NFAM1: variants seen among roughly 807,000 people sequenced by gnomAD.
NFAM1 encodes NFAT activation molecule 1.
Under a neutral mutation model 29.0 loss-of-function variants are expected in NFAM1, and 17 were observed. The ratio of observed to expected loss-of-function variants is 0.59; its 90% confidence interval spans 0.40 to 0.88. The LOEUF (loss-of-function observed/expected upper bound fraction) is 0.88, where lower values mean the gene tolerates loss of function less well. NFAM1 is among the 40% of genes least tolerant of loss of function. The pLI, the probability that NFAM1 is intolerant of heterozygous loss-of-function variation, is 0.00. For synonymous variants in NFAM1, 175 were observed against 147.2 expected (o/e 1.19, Z -1.36); for missense variants, 324 against 344.6 (o/e 0.94, Z 0.47).
At chr22:42,411,765 C>CA (rs753818886) in intron 1 of NFAM1, 29 bp from the exon 2 acceptor site, 1 of 1,547,064 alleles carries the variant, frequency 6.5e-7, no homozygotes, top group South Asian at 1.1e-5. Flanking sequence ...GAGAGAGCAA[C>CA]AGGTCACTTG....
rs1331031808 is a variant in NFAM1 at position 42,382,801 on chromosome 22, T to TCCTCCTCCTCCTCCTCCC, written c.*2342_*2359dup. The stretch of plus-strand genomic sequence containing the variant: ...CCCGTCCTTTCATGCTGTGCTCTCC[T>TCCTCCTCCTCCTCCTCCC]CCTCCTCCTCCTCCTCCCTGCCTCT... On this transcript the variant is annotated 3_prime_UTR_variant, in exon 6 of 6. Coordinates refer to ENST00000329021, the MANE Select transcript of NFAM1 (RefSeq NM_145912.8). The TCCTCCTCCTCCTCCTCCC allele has an allele frequency of 1.9e-5, 3 of 154,136 alleles. No individual in the cohort carries two copies. Among genetic ancestry groups the TCCTCCTCCTCCTCCTCCC allele is most frequent in the Non-Finnish European group, 4.3e-5 (3 of 69,088 alleles). 9.5% of individuals were successfully genotyped at this position (154,136 alleles called of 1,614,324 possible).
At chr22:42,432,175 A>T in intron 1 of NFAM1, 62 bp downstream of exon 1, 1 of 1,448,078 alleles carries the variant, frequency 6.9e-7, no homozygotes, top group Non-Finnish European at 9.5e-7. Context: ...GCCGGGCGGG[A>T]TGAAAGCCGC....
In NFAM1 at chr22:42,419,364, G is replaced by A. The variant is rs1291017959; in HGVS notation, c.122-7628C>T. On this transcript the variant is annotated intron_variant, in intron 1 of 5. Transcript: ENST00000329021. The surrounding 1 kb of genome is among the most constrained non-coding windows in gnomAD (Gnocchi z 4.5). ...CTCCCTGCTGGAGGAGACCCAGGAA[G>A]GAGTCTGAAATCAATTTACGGGGTC... is the stretch of plus-strand genomic sequence containing the variant. Among the ~76,000 whole-genome samples, 3 of 152,072 alleles carry A rather than the reference G, an allele frequency of 2.0e-5. No individual in the cohort carries two copies. The highest frequency in any genetic ancestry group is 4.8e-5 in the African/African-American group (2 of 41,388).
rs7292314 is a variant in NFAM1 at position 42,411,333 on chromosome 22, C to T, written c.451+74G>A. 10,810 of 1,213,550 alleles carry T rather than the reference C, an allele frequency of 8.9e-3. 82 individuals are homozygous for T. The highest frequency in any genetic ancestry group is 0.011 in the Non-Finnish European group (8,986 of 849,950). 75.2% of individuals were successfully genotyped at this position (1,213,550 alleles called of 1,614,324 possible). On this transcript the variant is annotated intron_variant, in intron 2 of 5. Transcript: ENST00000329021. ...TGCGCCTGGCCCCATTCTCTATTTC[C>T]GATCCAAAGTCCCAAACTGCCATTT...
At chr22:42,403,758 C>T (rs1056888676) in intron 3 of NFAM1, among the ~76,000 whole-genome samples, 3 of 152,226 alleles carry the variant, frequency 2.0e-5, no homozygotes, top group African/African-American at 4.8e-5. Flanking sequence ...GAGAGGCACC[C>T]GGCCTCACAC....
intron 1 of NFAM1, among the ~76,000 whole-genome samples, chr22:42,420,007 T>TG (rs1930389184): frequency 5.1e-5 from 7 of 135,978 alleles, no homozygotes; most frequent in Non-Finnish European, 9.5e-5. Flanking sequence ...TTTTTTTTTT[T>TG]TTTTTTTTTT....
At chr22:42,385,269 A>C (rs748399045) in intron 5 of NFAM1, 49 bp from the exon 6 acceptor site, 2 of 1,311,028 alleles carry the variant, frequency 1.5e-6, no homozygotes, top group South Asian at 2.4e-5. Flanking sequence ...AGAGAGAATG[A>C]CCATTAAGAA....
chr22:42,417,113 C>T (rs1011712841), intron 1 of NFAM1, among the ~76,000 whole-genome samples: 1 of 152,148 alleles, frequency 6.6e-6, no homozygotes. Flanking sequence ...CCGGTGGGGA[C>T]GGACAAGGAA....
At chr22:42,397,719 C>T (rs1437764333) in intron 4 of NFAM1, 139 bp downstream of exon 4, 1 of 627,370 alleles carries the variant, frequency 1.6e-6, no homozygotes, top group Non-Finnish European at 2.9e-6. Flanking sequence ...AATTGTTATC[C>T]CCATTTTATA....
intron 1 of NFAM1, among the ~76,000 whole-genome samples, chr22:42,412,039 C>A (rs1409323092): frequency 6.6e-6 from 1 of 152,284 alleles, no homozygotes; most frequent in East Asian, 1.9e-4. Context: ...TTGAGACCAG[C>A]CTGGCCAACA....
chr22:42,419,702 G>A lies in NFAM1; in HGVS notation c.122-7966C>T, dbSNP rs1417743621. Reference sequence around the variant, plus strand: ...CCGTGCTGTTCCGGCTGTGCGGAATGTCCTACCCATTCCTTCCTCTCCTGG... The same window carrying A: ...CCGTGCTGTTCCGGCTGTGCGGAATATCCTACCCATTCCTTCCTCTCCTGG... On this transcript the variant is annotated intron_variant, in intron 1 of 5. Transcript: ENST00000329021. This position sits in a 1 kb window ranked among gnomAD's most constrained non-coding sequence, Gnocchi z 4.5. 6.6e-6 allele frequency among the ~76,000 whole-genome samples: 1 copy of A among 152,178 alleles called. No individual in the cohort carries two copies. The highest frequency in any genetic ancestry group is 1.5e-5 in the Non-Finnish European group (1 of 68,042).
In NFAM1 at chr22:42,384,594, C is replaced by T. The variant is rs145703909; in HGVS notation, c.*567G>A. The T allele has an allele frequency of 1.3e-3, 218 of 166,812 alleles. No homozygotes were observed. The highest frequency in any genetic ancestry group is 4.9e-3 in the African/African-American group (205 of 41,708). 10.3% of individuals were successfully genotyped at this position (166,812 alleles called of 1,614,324 possible). A position where few individuals can be genotyped will look rare whatever the true frequency, so the allele number is the denominator to read the frequency against. On this transcript the variant is annotated 3_prime_UTR_variant, in exon 6 of 6. Coordinates refer to ENST00000329021, the MANE Select transcript of NFAM1 (RefSeq NM_145912.8). Reference sequence around the variant, plus strand: ...TCTTGCCTCTGAGGGGTCCATCATCCTTGTCTGTCCCCCAGACCTCCCACG... The same window carrying T: ...TCTTGCCTCTGAGGGGTCCATCATCTTTGTCTGTCCCCCAGACCTCCCACG...
At chr22:42,415,132 T>C (rs1930212170) in intron 1 of NFAM1, among the ~76,000 whole-genome samples, 1 of 151,990 alleles carries the variant, frequency 6.6e-6, no homozygotes, top group Non-Finnish European at 1.5e-5. Flanking sequence ...AAGCCGTCTC[T>C]GACGAGCTCA....
intron 3 of NFAM1, among the ~76,000 whole-genome samples, chr22:42,402,423 C>A (rs764482553): frequency 1.3e-5 from 2 of 152,134 alleles, no homozygotes; most frequent in Non-Finnish European, 1.5e-5. Flanking sequence ...GGAATGCCAC[C>A]CGCAGAGCAG....
chr22:42,427,650 A>C (rs531532945), intron 1 of NFAM1, among the ~76,000 whole-genome samples: 1 of 152,212 alleles, frequency 6.6e-6, no homozygotes, highest in Admixed American at 6.5e-5. Context: ...CTCTTGCTCT[A>C]TCTATAGCAA....
upstream of NFAM1, among the ~76,000 whole-genome samples, chr22:42,432,941 G>C (rs1410981002): frequency 6.6e-6 from 1 of 151,964 alleles, no homozygotes; most frequent in African/African-American, 2.4e-5. Context: ...TTCACCCAGC[G>C]AGAACCTCTG....
chr22:42,390,112 C>T (rs752951456), intron 4 of NFAM1, among the ~76,000 whole-genome samples: 7 of 151,094 alleles, frequency 4.6e-5, no homozygotes, highest in Non-Finnish European at 7.4e-5. Flanking sequence ...AGAGTAAGAT[C>T]GAGGATGCTG....
intron 1 of NFAM1, among the ~76,000 whole-genome samples, chr22:42,415,053 G>A (rs866121649): frequency 6.6e-6 from 1 of 152,166 alleles, no homozygotes; most frequent in African/African-American, 2.4e-5. Context: ...CAGCCACAGC[G>A]AGGAGAGGCT....
At chr22:42,407,559 T>C (rs11705417) in intron 3 of NFAM1, among the ~76,000 whole-genome samples, 61,765 of 151,624 alleles carry the variant, frequency 0.41, 14,131 homozygotes, top group African/African-American at 0.62. Context: ...TTAGTAGAGA[T>C]GGGGTTTCAC....
Sources: allele counts gnomAD v4.1 joint callset (sites outside exome capture counted in the v4.1 genomes callset), GRCh38; gene constraint gnomAD v4.1.1; non-coding constraint Gnocchi (gnomAD v3.1); transcripts MANE v1.5; gene names NCBI Gene and HGNC (gene_info 2026-07-23, HGNC 2026-07-21).